Variants in PTK7 observed in about 807,000 individuals in gnomAD.
The protein encoded by PTK7 is inactive tyrosine-protein kinase 7.
In PTK7, 39 loss-of-function variants were observed where a neutral mutation model predicts 116.6. The ratio of observed to expected loss-of-function variants is 0.33; its 90% CI spans 0.26 to 0.44. The LOEUF (loss-of-function observed/expected upper bound fraction) is 0.44. Among genes scored for constraint, PTK7 ranks in the 20% least tolerant of loss-of-function variants. PTK7 has a pLI of 1.00. For missense variants in PTK7, 1,169 were observed against 1,425.6 expected (o/e 0.82, Z 2.90); for synonymous variants, 546 against 563.6 (o/e 0.97, Z 0.44).
rs780166985 is a variant in PTK7 at position 43,076,479 on chromosome 6, G to A, written c.-10G>A. 2.6e-6 allele frequency: 4 copies of A among 1,560,964 alleles called. No homozygotes were observed. Among genetic ancestry groups the A allele is most frequent in the East Asian group, 2.6e-5 (1 of 38,376 alleles). ...GTGCGCCCTCAGCTCCTTTTCCTGA[G>A]CCCGCCGCGATGGGAGCTGCGCGGG... On this transcript the variant is annotated 5_prime_UTR_variant, in exon 1 of 20. Transcript: ENST00000230419. This position sits in a 1 kb window ranked among gnomAD's most constrained non-coding sequence, Gnocchi z 5.7.
At chr6:43,087,113 A>G (rs752446544) in intron 1 of PTK7, among the ~76,000 whole-genome samples, 1 of 152,168 alleles carries the variant, frequency 6.6e-6, no homozygotes, top group Non-Finnish European at 1.5e-5. Context: ...TCTGCCTCCT[A>G]TGGTGGTGGG....
rs775513678 is a variant in PTK7, at chr6:43,142,040, A to G, written c.1878A>G (p.Lys626=). ...ACCCCAAGCCGCTGATTCAGTGGAA[A>G]GGCAAGGACCGCATCCTGGACCCCA... The part of the protein sequence containing the change: ...QGDPKPLIQW[K]GKDRILDPTK... The change falls in exon 12 of 20, where the codon AAA becomes AAG. Residue 626 remains lysine, a synonymous_variant. Transcript: ENST00000230419. The G allele has an allele frequency of 3.9e-5, 63 of 1,613,854 alleles. No individual in the cohort carries two copies. In the Admixed American group the frequency reaches 6.2e-4, roughly 16 times the overall value.
chr6:43,080,148 C>G (rs544736588), intron 1 of PTK7, among the ~76,000 whole-genome samples: 1 of 150,736 alleles, frequency 6.6e-6, no homozygotes, highest in Admixed American at 6.6e-5. Context: ...GTTAGGAGAG[C>G]GAGACCATCC....
intron 17 of PTK7, among the ~76,000 whole-genome samples, chr6:43,151,951 T>C (rs971591932): frequency 1.3e-5 from 2 of 150,888 alleles, no homozygotes; most frequent in Non-Finnish European, 2.9e-5. Context: ...TTCACGCCAT[T>C]CACCTGCCTG....
intron 17 of PTK7, among the ~76,000 whole-genome samples, chr6:43,147,821 C>CTG (rs1770811178): frequency 6.6e-6 from 1 of 152,212 alleles, no homozygotes; most frequent in Non-Finnish European, 1.5e-5. Flanking sequence ...ACTGCAGGAA[C>CTG]TGTGTATAGT....
intron 1 of PTK7, among the ~76,000 whole-genome samples, chr6:43,088,068 C>CCAA (rs1766753572): frequency 6.6e-6 from 1 of 152,166 alleles, no homozygotes; most frequent in East Asian, 1.9e-4. Flanking sequence ...GAGGCCAAGG[C>CCAA]GTGAGGATTG....
At position 43,115,046 on chromosome 6, in the gene PTK7, A is replaced by AG. The variant is rs1348996010; in HGVS notation, c.80-13931_80-13930insG. On this transcript the variant is annotated intron_variant, in intron 1 of 19. Transcript: ENST00000230419. ...AACAAGAGCTAGACTTTGTCTCAAAAAAAAAAAAACTTTACAAAAAAATAA... is the reference window on the plus strand; with the variant it reads ...AACAAGAGCTAGACTTTGTCTCAAAAGAAAAAAAAACTTTACAAAAAAATAA... Among the ~76,000 whole-genome samples, 18 of 151,768 alleles carry AG rather than the reference A, an allele frequency of 1.2e-4. No homozygotes were observed. In the East Asian group the frequency reaches 3.5e-3, roughly 29 times the overall value.
chr6:43,112,514 G>T (rs1768252872), intron 1 of PTK7, among the ~76,000 whole-genome samples: 1 of 151,866 alleles, frequency 6.6e-6, no homozygotes, highest in Admixed American at 6.6e-5. Context: ...CTCTCTCTCT[G>T]TCTTTCAGTC....
rs199978430 is a variant in PTK7, at chr6:43,139,284, G to A, written c.1498+13G>A. On this transcript the variant is annotated intron_variant, in intron 9 of 19. Coordinates refer to ENST00000230419, the MANE Select transcript of PTK7 (RefSeq NM_002821.5). This position sits in a 1 kb window ranked among gnomAD's most constrained non-coding sequence, Gnocchi z 4.6. Reference sequence around the variant, plus strand: ...GTCCAAGTGCTGGGTGAGCCAGCATGTCTTGGGGGAGCACCCTTCCTGGCT... The same window carrying A: ...GTCCAAGTGCTGGGTGAGCCAGCATATCTTGGGGGAGCACCCTTCCTGGCT... 29 of 1,614,268 alleles carry A rather than the reference G, an allele frequency of 1.8e-5. No individual in the cohort carries two copies. The East Asian group carries it at 6.5e-4, about 36-fold the overall frequency.
chr6:43,135,468 A>G (rs922151988), intron 7 of PTK7, among the ~76,000 whole-genome samples: 2 of 152,246 alleles, frequency 1.3e-5, no homozygotes, highest in Non-Finnish European at 2.9e-5. Context: ...TTTAGGTGCC[A>G]GTAGAACAAG....
intron 1 of PTK7, among the ~76,000 whole-genome samples, chr6:43,091,851 G>C (rs1766971371): frequency 1.3e-5 from 2 of 152,038 alleles, no homozygotes. Context: ...TTGGGTTCAA[G>C]TAACTCTTTT....
At position 43,158,986 on chromosome 6, in the gene PTK7, G is replaced by T; in HGVS notation, c.2873+18G>T. On this transcript the variant is annotated intron_variant, in intron 18 of 19. Coordinates refer to ENST00000230419, the MANE Select transcript of PTK7 (RefSeq NM_002821.5). ...TACAACAGGTAGAAGGGCATGCGTG[G>T]GGTGGGGGCTCCCCATTTTTTCCCA... is the stretch of plus-strand genomic sequence containing the variant. 1 of 1,611,894 alleles carries T rather than the reference G, an allele frequency of 6.2e-7. No individual in the cohort carries two copies. The highest frequency in any genetic ancestry group is 8.5e-7 in the Non-Finnish European group (1 of 1,178,456).
At chr6:43,107,762 A>T (rs139802467) in intron 1 of PTK7, among the ~76,000 whole-genome samples, 1 of 152,220 alleles carries the variant, frequency 6.6e-6, no homozygotes, top group Non-Finnish European at 1.5e-5. Context: ...GTTCCACATC[A>T]TGTTGGGATA....
chr6:43,114,370 C>G (rs1280964065), intron 1 of PTK7, among the ~76,000 whole-genome samples: 1 of 152,126 alleles, frequency 6.6e-6, no homozygotes, highest in Non-Finnish European at 1.5e-5. Flanking sequence ...CTCTCTCTCT[C>G]TGTCAGTCTC....
At chr6:43,157,342 A>T (rs1561990027) in intron 17 of PTK7, among the ~76,000 whole-genome samples, 5 of 4,306 alleles carry the variant, frequency 1.2e-3, no homozygotes, top group South Asian at 0.011. Flanking sequence ...ATATATATAT[A>T]TATATATATA....
At chr6:43,122,823 T>C (rs1033246285) in intron 1 of PTK7, among the ~76,000 whole-genome samples, 1 of 152,142 alleles carries the variant, frequency 6.6e-6, no homozygotes, top group African/African-American at 2.4e-5. Context: ...GCCAGGCTGG[T>C]CTCGAACTCC....
rs530537294 is a variant in PTK7 at position 43,142,014 on chromosome 6, G to C, written c.1852G>C (p.Asp618His). ...TALLQCEAQG[D>H]PKPLIQWKGK... Reference sequence around the variant, plus strand: ...CCTACTGCAGTGCGAGGCCCAGGGGGACCCCAAGCCGCTGATTCAGTGGAA... The same window carrying C: ...CCTACTGCAGTGCGAGGCCCAGGGGCACCCCAAGCCGCTGATTCAGTGGAA... Residue 618 changes from aspartate to histidine, a missense_variant, in exon 12 of 20, where the codon GAC becomes CAC. Physicochemically the swap from Asp to His is moderately conservative, Grantham distance 81 (BLOSUM62 -1). Coordinates refer to ENST00000230419, the MANE Select transcript of PTK7 (RefSeq NM_002821.5). 6.2e-7 allele frequency: 1 copy of C among 1,613,884 alleles called. No homozygotes were observed. The highest frequency in any genetic ancestry group is 1.1e-5 in the South Asian group (1 of 91,068).
In PTK7 at chr6:43,145,430, C is replaced by T; in HGVS notation, c.2638C>T (p.Leu880=). The T allele has an allele frequency of 6.4e-7, 1 of 1,555,438 alleles. No homozygotes were observed. The highest frequency in any genetic ancestry group is 1.2e-5 in the South Asian group (1 of 84,368). The change falls in exon 16 of 20, where the codon CTG becomes TTG. Residue 880 remains leucine (L), a splice_region_variant and synonymous_variant. Coordinates refer to ENST00000230419, the MANE Select transcript of PTK7 (RefSeq NM_002821.5). The surrounding 1 kb of genome is among the most constrained non-coding windows in gnomAD (Gnocchi z 4.8). ...CTACATGGTGCTGGAATATGTGGATCTGGTATGCTGTTGGCAGGGGACGTG... is the reference window on the plus strand; with the variant it reads ...CTACATGGTGCTGGAATATGTGGATTTGGTATGCTGTTGGCAGGGGACGTG... ...PHYMVLEYVD[L]GDLKQFLRIS...
chr6:43,150,834 C>CTCTG (rs1209151131), intron 17 of PTK7, among the ~76,000 whole-genome samples: 2 of 118,320 alleles, frequency 1.7e-5, no homozygotes, highest in Non-Finnish European at 3.3e-5. Context: ...CAGAGTCTCG[C>CTCTG]TCTGTCTCTG....
Sources: allele counts gnomAD v4.1 joint callset (sites outside exome capture counted in the v4.1 genomes callset), GRCh38; gene constraint gnomAD v4.1.1; non-coding constraint Gnocchi (gnomAD v3.1); transcripts MANE v1.5; gene names NCBI Gene and HGNC (gene_info 2026-07-23, HGNC 2026-07-21).